The following OPTN variants were observed in gnomAD, a reference collection of about 807,000 sequenced individuals.
The protein encoded by OPTN is E3-14.7K-interacting protein.
In OPTN, 54 loss-of-function variants were observed where a neutral mutation model predicts 70.4. The observed-to-expected ratio is 0.77, with a 90% CI of 0.62 to 0.96. The LOEUF (loss-of-function observed/expected upper bound fraction) is 0.96, where lower values mean the gene tolerates loss of function less well. OPTN is among the 40% of genes least tolerant of loss of function. The pLI is 0.00. For missense variants in OPTN, 624 were observed against 673.2 expected, an observed-to-expected ratio of 0.93 and a Z score of 0.81; for synonymous variants, 256 against 248.5, an observed-to-expected ratio of 1.03 and a Z score of -0.28.
At chr10:13,136,672 A>ATCTGT in intron 14 of OPTN, 73 bp from the exon 15 acceptor site, 1 of 1,592,672 alleles carries the variant, frequency 6.3e-7, no homozygotes, top group African/African-American at 1.3e-5. Context: ...AAAACTCGCC[A>ATCTGT]TCTGTTCTTC....
chr10:13,116,408 C>T (rs530419678), intron 6 of OPTN, 68 bp downstream of exon 6: 32 of 1,057,662 alleles, frequency 3.0e-5, no homozygotes, highest in South Asian at 8.8e-5. Context: ...GTGCTTGTCA[C>T]CGGAGGTCAA....
intron 5 of OPTN, among the ~76,000 whole-genome samples, 176 bp downstream of exon 5, chr10:13,112,811 T>C (rs936742884): frequency 1.8e-4 from 28 of 152,006 alleles, no homozygotes; most frequent in African/African-American, 6.3e-4. Context: ...AGGGTTATCA[T>C]AGCTAAAATG....
chr10:13,122,364 C>T (rs113137280), intron 7 of OPTN, 21 bp from the exon 8 acceptor site: 1 of 1,548,538 alleles, frequency 6.5e-7, no homozygotes. Flanking sequence ...AGTAACTTTT[C>T]TATCTTCTGT....
In OPTN at chr10:13,132,114, G is replaced by A; in HGVS notation, c.1449G>A (p.Glu483=). Residue 483 remains glutamate (E), a synonymous_variant, in exon 13 of 15, where the codon GAG becomes GAA. Transcript: ENST00000378747. ...TTCATGCTGAAAGAGCAGCGAGAGA[G>A]AAAATTCATGAGGAAAAGGAGCAAC... ...SDFHAERAAR[E]KIHEEKEQLA... is the part of the protein sequence containing the mutation. The A allele has an allele frequency of 2.5e-6, 4 of 1,613,626 alleles. No individual in the cohort carries two copies. The highest frequency in any genetic ancestry group is 3.4e-6 in the Non-Finnish European group (4 of 1,179,662).
intron 14 of OPTN, among the ~76,000 whole-genome samples, chr10:13,134,686 C>G (rs1034124136): frequency 4.6e-5 from 7 of 152,070 alleles, no homozygotes; most frequent in African/African-American, 1.7e-4. Flanking sequence ...CGTCGGCCTC[C>G]CAAAGTGCTG....
At chr10:13,111,501 C>G (rs12261315) in intron 4 of OPTN, among the ~76,000 whole-genome samples, 4 of 151,462 alleles carry the variant, frequency 2.6e-5, no homozygotes, top group African/African-American at 7.3e-5. Context: ...AGTTCGAGAC[C>G]AGCCTGGCCA....
chr10:13,115,545 AT>A (rs1245428151), intron 5 of OPTN, among the ~76,000 whole-genome samples: 460 of 120,640 alleles, frequency 3.8e-3, no homozygotes, highest in East Asian at 5.9e-3. Context: ...TATAGAATAT[AT>A]TATACATTAT....
At position 13,136,966 on chromosome 10, in the gene OPTN, C is replaced by G. The variant is rs566242224; in HGVS notation, c.*100C>G. On this transcript the variant is annotated 3_prime_UTR_variant, in exon 15 of 15. Transcript: ENST00000378747. ...ATTTGTTTTCACTCAAATATTTTGC[C>G]TCATTATTCTTGTTTTAAAAGAAAG... 1 of 1,506,890 alleles carries G rather than the reference C, an allele frequency of 6.6e-7. No individual in the cohort carries two copies. The highest frequency in any genetic ancestry group is 2.3e-5 in the East Asian group (1 of 44,246). 93.3% of individuals were successfully genotyped at this position (1,506,890 alleles called of 1,614,324 possible). A position where few individuals can be genotyped will look rare whatever the true frequency, so the allele number is the denominator to read the frequency against.
intron 12 of OPTN, 100 bp downstream of exon 12, chr10:13,128,003 T>C (rs1833505241): frequency 1.4e-6 from 2 of 1,413,222 alleles, no homozygotes; most frequent in East Asian, 2.4e-5. Context: ...TTTTCTATTT[T>C]ATATATTTTT....
chr10:13,125,474 A>T lies in OPTN; in HGVS notation c.1055A>T (p.Gln352Leu). ...ATTCCATCAGAGTTGAATGAAAAGC[A>T]AGAGCTTGTTTATACTAACAAAAAG... ...SAIPSELNEK[Q>L]ELVYTNKKLE... Residue 352 changes from glutamine (Q) to leucine (L), a missense_variant, in exon 10 of 15, where the codon CAA becomes CTA. Gln to Leu is a moderately radical substitution (Grantham distance 113, BLOSUM62 -2). Transcript: ENST00000378747. 6.2e-7 allele frequency: 1 copy of T among 1,614,188 alleles called. No individual in the cohort carries two copies. The highest frequency in any genetic ancestry group is 8.5e-7 in the Non-Finnish European group (1 of 1,180,006).
intron 1 of OPTN, among the ~76,000 whole-genome samples, chr10:13,107,404 T>G (rs1394316711): frequency 5.3e-4 from 78 of 147,682 alleles, no homozygotes; most frequent in African/African-American, 1.8e-3. Context: ...TTTTTTTTTT[T>G]TTGAGACTCT....
intron 4 of OPTN, among the ~76,000 whole-genome samples, chr10:13,111,950 C>T (rs1292421658): frequency 6.7e-6 from 1 of 149,520 alleles, no homozygotes; most frequent in Admixed American, 6.7e-5. Context: ...CAGGTTCACG[C>T]CATTGTCCTG....
chr10:13,131,212 G>A (rs112030025), intron 12 of OPTN: 2 of 152,396 alleles, frequency 1.3e-5, no homozygotes, highest in African/African-American at 4.8e-5. Flanking sequence ...CATGGCAGCT[G>A]GCTTCCCCCA....
In OPTN at chr10:13,109,332, G is replaced by T. The variant is rs200030853; in HGVS notation, c.166+44G>T. On this transcript the variant is annotated intron_variant, in intron 3 of 14. Transcript: ENST00000378747. ...TGTGTGCCCCATTCATCCTGGGCCT[G>T]CAAGAAATGCCATCCCTTTGCACTA... 23 of 1,599,822 alleles carry T rather than the reference G, an allele frequency of 1.4e-5. No individual in the cohort carries two copies. The East Asian group carries it at 4.9e-4, about 34-fold the overall frequency.
At chr10:13,106,477 T>C (rs180890126) in intron 1 of OPTN, among the ~76,000 whole-genome samples, 18 of 152,350 alleles carry the variant, frequency 1.2e-4, no homozygotes, top group African/African-American at 3.6e-4. Context: ...AGTTCAAAAA[T>C]GAATCCTATG....
At chr10:13,125,383 A>G (rs755964739) in intron 9 of OPTN, 35 bp from the exon 10 acceptor site, 1 of 1,613,286 alleles carries the variant, frequency 6.2e-7, no homozygotes, top group Non-Finnish European at 8.5e-7. Flanking sequence ...GTAAAGGAGC[A>G]TTGTTTATCC....
At position 13,137,492 on chromosome 10, in the gene OPTN, G is replaced by A. The variant is rs1833724647; in HGVS notation, c.*626G>A. On this transcript the variant is annotated 3_prime_UTR_variant, in exon 15 of 15. Transcript: ENST00000378747. ...AGTTAGCTAGCATGTGACATCATGT[G>A]ACAAAGTTCATGTAATTAGATGGAA... 1 of 227,534 alleles carries A rather than the reference G, an allele frequency of 4.4e-6. No individual in the cohort carries two copies. The highest frequency in any genetic ancestry group is 2.2e-5 in the African/African-American group (1 of 45,002). The allele number at this position is 227,534 out of a possible 1,614,324, so 14.1% of individuals were successfully genotyped here.
intron 2 of OPTN, 83 bp from the exon 3 acceptor site, chr10:13,109,029 A>T: frequency 8.0e-7 from 1 of 1,256,006 alleles, no homozygotes; most frequent in Non-Finnish European, 1.2e-6. Flanking sequence ...AGTATTAGCA[A>T]TCGCCAATGG....
intron 1 of OPTN, chr10:13,104,722 G>A (rs951613628): frequency 1.6e-5 from 11 of 684,292 alleles, no homozygotes; most frequent in Non-Finnish European, 2.8e-5. Context: ...TTCCTTGGAC[G>A]TGTCTGCCAC....
Sources: gnomAD v4.1 joint callset for allele counts (sites outside exome capture counted in the v4.1 genomes callset) on GRCh38, gnomAD v4.1.1 for gene constraint, MANE v1.5 for transcripts, NCBI Gene and HGNC (gene_info 2026-07-23, HGNC 2026-07-21) for gene names.